Variants in HS6ST3 observed in about 807,000 individuals in gnomAD.
HS6ST3 encodes the protein heparan-sulfate 6-O-sulfotransferase 3.
A neutral mutation model predicts 36.7 loss-of-function variants in HS6ST3; 12 were observed. That is an observed-to-expected ratio of 0.33 (90% CI 0.21 to 0.53). The LOEUF (loss-of-function observed/expected upper bound fraction) is 0.53, where lower values mean the gene tolerates loss of function less well. Ranked by LOEUF, HS6ST3 falls within the 20% of genes least tolerant of loss-of-function variation. The pLI is 0.95. For synonymous variants in HS6ST3, 240 were observed against 257.5 expected (o/e 0.93, Z 0.65); for missense variants, 584 against 640.9 (o/e 0.91, Z 0.96).
chr13:96,708,189 A>G (rs890533602), intron 1 of HS6ST3, among the ~76,000 whole-genome samples: 3 of 152,336 alleles, frequency 2.0e-5, no homozygotes, highest in African/African-American at 7.2e-5. Context: ...CATGTTCGCA[A>G]CTTCATAGTG....
At chr13:96,299,931 C>T (rs1012691718) in intron 1 of HS6ST3, among the ~76,000 whole-genome samples, 2 of 151,702 alleles carry the variant, frequency 1.3e-5, no homozygotes, top group African/African-American at 4.8e-5. Context: ...CCACAGACTA[C>T]AGGAGGCATG....
intron 1 of HS6ST3, among the ~76,000 whole-genome samples, chr13:96,481,745 G>A (rs1296865559): frequency 2.6e-5 from 4 of 152,164 alleles, no homozygotes; most frequent in Non-Finnish European, 5.9e-5. Flanking sequence ...AAGGAGCAGG[G>A]TGGTGATCCC....
chr13:96,383,946 C>G (rs895350824), intron 1 of HS6ST3, among the ~76,000 whole-genome samples: 2 of 152,138 alleles, frequency 1.3e-5, no homozygotes, highest in African/African-American at 2.4e-5. Flanking sequence ...TCCAGAGAAG[C>G]CTGAGAAGAG....
chr13:96,151,425 ACTGT>A (rs2054084574), intron 1 of HS6ST3, among the ~76,000 whole-genome samples: 2 of 149,282 alleles, frequency 1.3e-5, no homozygotes, highest in Non-Finnish European at 3.0e-5. Flanking sequence ...AAAAAAAGAG[ACTGT>A]CTGGATACAA....
chr13:96,351,272 TA>T (rs1410786555), intron 1 of HS6ST3, among the ~76,000 whole-genome samples: 1 of 150,530 alleles, frequency 6.6e-6, no homozygotes, highest in Non-Finnish European at 1.5e-5. Flanking sequence ...GGTTATAAAA[TA>T]AAAATGTTAT....
At chr13:96,555,556 G>A (rs1191622848) in intron 1 of HS6ST3, among the ~76,000 whole-genome samples, 1 of 152,170 alleles carries the variant, frequency 6.6e-6, no homozygotes, top group African/African-American at 2.4e-5. Flanking sequence ...AAAACCTACA[G>A]CGACATTGTA....
intron 1 of HS6ST3, among the ~76,000 whole-genome samples, chr13:96,822,862 T>C (rs1878566658): frequency 1.3e-5 from 2 of 152,242 alleles, no homozygotes; most frequent in African/African-American, 4.8e-5. Flanking sequence ...GGCTTTAATA[T>C]AGCTGCAGTG....
rs191316541 is a variant in HS6ST3 at position 96,832,669 on chromosome 13, G to T, written c.887G>T (p.Arg296Leu). 4 of 1,614,072 alleles carry T rather than the reference G, an allele frequency of 2.5e-6. No homozygotes were observed. The highest frequency in any genetic ancestry group is 1.7e-4 in the Middle Eastern group (1 of 6,060). ...GATGACTGGTCTGGGGTCAGCTTGC[G>T]GGAGTTTATGGATTGCACCTACAAC... ...PGDDWSGVSLREFMDCTYNLA... is the reference protein window; with the variant it reads ...PGDDWSGVSLLEFMDCTYNLA... Residue 296 changes from arginine (R) to leucine (L), a missense_variant, in exon 2 of 2, where the codon CGG becomes CTG. Physicochemically the swap from Arg to Leu is moderately radical, Grantham distance 102. Around this residue, in one of 3 missense-constraint regions of HS6ST3, gnomAD observed 360 missense variants for 411.3 expected, o/e 0.88. Transcript: ENST00000376705.
At chr13:96,443,445 G>T (rs988422627) in intron 1 of HS6ST3, among the ~76,000 whole-genome samples, 3 of 147,398 alleles carry the variant, frequency 2.0e-5, no homozygotes, top group Non-Finnish European at 4.4e-5. Context: ...CAGGAGAATG[G>T]CATGAACCCG....
In HS6ST3 at chr13:96,156,296, G is replaced by A. The variant is rs116128390; in HGVS notation, c.707+64727G>A. On this transcript the variant is annotated intron_variant, in intron 1 of 1. Transcript: ENST00000376705. ...CTCAGCTGTCTGATTTCCTAGCATCGGTGCTATACTGTGGCATCCTCCTGC... is the reference window on the plus strand; with the variant it reads ...CTCAGCTGTCTGATTTCCTAGCATCAGTGCTATACTGTGGCATCCTCCTGC... Among the ~76,000 whole-genome samples, 1,287 of 152,190 alleles carry A rather than the reference G, an allele frequency of 8.5e-3. 13 individuals carry two copies. The highest frequency in any genetic ancestry group is 0.03 in the African/African-American group (1,238 of 41,494).
intron 1 of HS6ST3, among the ~76,000 whole-genome samples, chr13:96,656,998 T>TGTGTGTGA (rs1397374817): frequency 1.6e-3 from 158 of 98,330 alleles, no homozygotes; most frequent in African/African-American, 3.1e-3. Flanking sequence ...TGTGTGTGTG[T>TGTGTGTGA]GAGAGAGAGA....
chr13:96,814,838 T>C (rs545318646), intron 1 of HS6ST3, among the ~76,000 whole-genome samples: 3 of 152,344 alleles, frequency 2.0e-5, no homozygotes, highest in African/African-American at 7.2e-5. Flanking sequence ...TCTCCTGTTC[T>C]GTTGTGGTTT....
At chr13:96,328,366 A>G (rs2139418879) in intron 1 of HS6ST3, among the ~76,000 whole-genome samples, 1 of 151,550 alleles carries the variant, frequency 6.6e-6, no homozygotes, top group South Asian at 2.1e-4. Context: ...TCAATACCTA[A>G]TTTATTGAGA....
At chr13:96,222,381 T>C (rs2054460310) in intron 1 of HS6ST3, among the ~76,000 whole-genome samples, 1 of 152,184 alleles carries the variant, frequency 6.6e-6, no homozygotes. Flanking sequence ...ATCAACTTCA[T>C]TTTTCCTGGG....
Position 96,477,724 on chromosome 13 carries a change from G to T in HS6ST3, c.708-354766G>T, listed in dbSNP as rs192921445. Among the ~76,000 whole-genome samples the T allele has an allele frequency of 1.2e-3, 185 of 152,068 alleles. 1 individual carries two copies. Among genetic ancestry groups the T allele is most frequent in the African/African-American group, 4.4e-3 (181 of 41,482 alleles). On this transcript the variant is annotated intron_variant, in intron 1 of 1. Transcript: ENST00000376705. ...GTCTCTACTAAAAATACAAAAATCT[G>T]CCAGGTGTGTTGATGGGCACCTGTA...
chr13:96,336,430 CTG>C (rs1427424243), intron 1 of HS6ST3, among the ~76,000 whole-genome samples: 1 of 152,194 alleles, frequency 6.6e-6, no homozygotes, highest in African/African-American at 2.4e-5. Context: ...CAGAATGTGA[CTG>C]TACTTGGATA....
At chr13:96,360,155 A>G (rs1330875057) in intron 1 of HS6ST3, among the ~76,000 whole-genome samples, 1 of 152,138 alleles carries the variant, frequency 6.6e-6, no homozygotes, top group Non-Finnish European at 1.5e-5. Flanking sequence ...CTGTCATTGA[A>G]GGATGGGGTG....
chr13:96,765,966 T>C (rs757715690), intron 1 of HS6ST3, among the ~76,000 whole-genome samples: 1 of 152,206 alleles, frequency 6.6e-6, no homozygotes, highest in Admixed American at 6.5e-5. Flanking sequence ...AGGCAAATTC[T>C]TCCAAATTTT....
intron 1 of HS6ST3, among the ~76,000 whole-genome samples, chr13:96,653,995 A>G (rs1164788145): frequency 2.0e-5 from 3 of 152,176 alleles, no homozygotes; most frequent in South Asian, 2.1e-4. Context: ...TGTTGGCCAC[A>G]TAAATGTCTT....
Sources: allele counts gnomAD v4.1 joint callset (sites outside exome capture counted in the v4.1 genomes callset), GRCh38; gene constraint gnomAD v4.1.1; regional missense constraint gnomAD v4.1.1; transcripts MANE v1.5; gene names NCBI Gene and HGNC (gene_info 2026-07-23, HGNC 2026-07-21).